Variants in PLEKHA5 observed in about 807,000 individuals in gnomAD.
PLEKHA5 encodes pleckstrin homology domain containing A5.
A neutral mutation model predicts 181.9 loss-of-function variants in PLEKHA5; 55 were observed. That is an observed-to-expected ratio of 0.30 (90% CI 0.24 to 0.38). PLEKHA5 has a LOEUF of 0.38. Among genes scored for constraint, PLEKHA5 ranks in the 10% least tolerant of loss-of-function variants. The pLI is 1.00. For synonymous variants in PLEKHA5, 535 were observed against 529.4 expected (o/e 1.01, Z -0.15); for missense variants, 1,432 against 1,549.5 (o/e 0.92, Z 1.27).
At position 19,302,541 on chromosome 12, in the gene PLEKHA5, G is replaced by A. The variant is rs574246088; in HGVS notation, c.2037+10844G>A. 2.6e-5 allele frequency among the ~76,000 whole-genome samples: 4 copies of A among 152,102 alleles called. No homozygotes were observed. The South Asian group carries it at 8.3e-4, about 32-fold the overall frequency. Reference sequence around the variant, plus strand: ...CACCTGAGTAGCTAGGATTACAGGCGCCCACCACCACACCCAGCTAATTTT... The same window carrying A: ...CACCTGAGTAGCTAGGATTACAGGCACCCACCACCACACCCAGCTAATTTT... On this transcript the variant is annotated intron_variant, in intron 15 of 31. Coordinates refer to ENST00000429027, the MANE Select transcript of PLEKHA5 (RefSeq NM_001256470.2).
Position 19,354,007 on chromosome 12 carries a change from TTAACTGGAAA to T in PLEKHA5, c.3138+7_3138+16del. The T allele has an allele frequency of 1.5e-6, 2 of 1,333,462 alleles. No individual in the cohort carries two copies. The highest frequency in any genetic ancestry group is 2.2e-6 in the Non-Finnish European group (2 of 928,862). 82.6% of individuals were successfully genotyped at this position (1,333,462 alleles called of 1,614,324 possible). A position where few individuals can be genotyped will look rare whatever the true frequency, so the allele number is the denominator to read the frequency against. On this transcript the variant is annotated splice_donor_region_variant and intron_variant, in intron 26 of 31. Coordinates refer to ENST00000429027, the MANE Select transcript of PLEKHA5 (RefSeq NM_001256470.2). Reference sequence around the variant, plus strand: ...AAGATGATGGATCTAAGAACGGTATTTAACTGGAAATTAATCTTCTAGGAAGATTCTCACA... The same window carrying T: ...AAGATGATGGATCTAAGAACGGTATTTTAATCTTCTAGGAAGATTCTCACA...
At chr12:19,272,749 G>C (rs1027293988) in intron 10 of PLEKHA5, among the ~76,000 whole-genome samples, 1 of 152,062 alleles carries the variant, frequency 6.6e-6, no homozygotes, top group African/African-American at 2.4e-5. Context: ...AAATAATAAT[G>C]ATAATAATCA....
At chr12:19,167,137 T>C (rs2044583718) in intron 3 of PLEKHA5, among the ~76,000 whole-genome samples, 1 of 152,154 alleles carries the variant, frequency 6.6e-6, no homozygotes, top group Non-Finnish European at 1.5e-5. Flanking sequence ...ATGCTTTGTA[T>C]AGAAAAGTGA....
At chr12:19,215,651 A>G (rs907232316) in intron 3 of PLEKHA5, among the ~76,000 whole-genome samples, 2 of 152,214 alleles carry the variant, frequency 1.3e-5, no homozygotes, top group South Asian at 4.1e-4. Context: ...AGACCCCTTT[A>G]AAAATTTTAG....
intron 3 of PLEKHA5, among the ~76,000 whole-genome samples, chr12:19,196,767 C>T (rs936472450): frequency 3.3e-5 from 5 of 150,162 alleles, no homozygotes; most frequent in Non-Finnish European, 7.4e-5. Context: ...GCCAAAGCTG[C>T]TACTCTGGCT....
chr12:19,355,652 G>A lies in PLEKHA5; in HGVS notation c.3138+1650G>A, dbSNP rs189319523. Reference sequence around the variant, plus strand: ...TCAGCTGCATTTATACATAGGAAATGTAATGTTTTCAATTAGTACAAAAGT... The same window carrying A: ...TCAGCTGCATTTATACATAGGAAATATAATGTTTTCAATTAGTACAAAAGT... On this transcript the variant is annotated intron_variant, in intron 26 of 31. Coordinates refer to ENST00000429027, the MANE Select transcript of PLEKHA5 (RefSeq NM_001256470.2). Among the ~76,000 whole-genome samples, 1,034 of 152,008 alleles carry A rather than the reference G, an allele frequency of 6.8e-3. 7 individuals carry two copies. Among genetic ancestry groups the A allele is most frequent in the Non-Finnish European group, 0.011 (773 of 67,994 alleles).
intron 20 of PLEKHA5, among the ~76,000 whole-genome samples, chr12:19,329,231 T>G (rs2092594881): frequency 6.6e-6 from 1 of 152,208 alleles, no homozygotes; most frequent in South Asian, 2.1e-4. Context: ...CCACTGAATT[T>G]GGCTTGCTTG....
intron 15 of PLEKHA5, among the ~76,000 whole-genome samples, chr12:19,300,796 A>G (rs750647880): frequency 6.6e-6 from 1 of 152,140 alleles, no homozygotes; most frequent in African/African-American, 2.4e-5. Context: ...ACAGTTAACC[A>G]TTGATAAAAT....
At chr12:19,297,274 T>C (rs1484128180) in intron 15 of PLEKHA5, among the ~76,000 whole-genome samples, 1 of 151,472 alleles carries the variant, frequency 6.6e-6, no homozygotes, top group African/African-American at 2.4e-5. Context: ...CTCAAAGTCA[T>C]GGAAAAGCAG....
At position 19,271,185 on chromosome 12, in the gene PLEKHA5, C is replaced by G. The variant is rs7133494; in HGVS notation, c.845+980C>G. 3.6e-3 allele frequency among the ~76,000 whole-genome samples: 550 copies of G among 152,184 alleles called. 2 individuals carry two copies. The highest frequency in any genetic ancestry group is 0.011 in the African/African-American group (445 of 41,494). ...AAGATGAGGTGGTTAGCACTGATAA[C>G]GAGAGAAAATGTGTAGGTGAAGAGA... On this transcript the variant is annotated intron_variant, in intron 10 of 31. Coordinates refer to ENST00000429027, the MANE Select transcript of PLEKHA5 (RefSeq NM_001256470.2).
At chr12:19,234,161 A>T (rs899824142) in intron 3 of PLEKHA5, among the ~76,000 whole-genome samples, 8 of 152,226 alleles carry the variant, frequency 5.3e-5, no homozygotes, top group Admixed American at 5.2e-4. Context: ...CGCTTTTATA[A>T]CTACTGCTAC....
Position 19,345,418 on chromosome 12 carries a change from AAAATAAAAAT to A in PLEKHA5, c.2663-410_2663-401del, listed in dbSNP as rs1300753770. ...CTGTCTCAAAAAAAAATAAAAATAA[AAAATAAAAAT>A]AAATAAAAATAAAAATAAATTTAAA... On this transcript the variant is annotated intron_variant, in intron 22 of 31. Transcript: ENST00000429027. 2.6e-5 allele frequency among the ~76,000 whole-genome samples: 4 copies of A among 150,978 alleles called. No homozygotes were observed. In the East Asian group the frequency reaches 7.8e-4, roughly 29 times the overall value.
intron 20 of PLEKHA5, among the ~76,000 whole-genome samples, chr12:19,335,030 G>GTTTTT (rs11461419): frequency 1.1e-5 from 1 of 92,618 alleles, no homozygotes; most frequent in Non-Finnish European, 2.0e-5. Context: ...TCAGTTTTTT[G>GTTTTT]TTTTTTTTTT....
chr12:19,183,844 G>C (rs2049187490), intron 3 of PLEKHA5, among the ~76,000 whole-genome samples: 1 of 152,106 alleles, frequency 6.6e-6, no homozygotes, highest in Admixed American at 6.5e-5. Flanking sequence ...CTCCCGAGTA[G>C]GTGGGACTAC....
intron 3 of PLEKHA5, among the ~76,000 whole-genome samples, chr12:19,229,098 CTTGTTT>C (rs2060081459): frequency 6.6e-6 from 1 of 152,150 alleles, no homozygotes; most frequent in South Asian, 2.1e-4. Flanking sequence ...CAAGTTAAAA[CTTGTTT>C]TTGTTTTTTA....
In PLEKHA5 at chr12:19,376,392, G is replaced by A. The variant is rs2153357525; in HGVS notation, c.*873G>A. The A allele has an allele frequency of 6.6e-6, 1 of 152,594 alleles. No homozygotes were observed. Among genetic ancestry groups the A allele is most frequent in the East Asian group, 1.9e-4 (1 of 5,172 alleles). 9.5% of individuals were successfully genotyped at this position (152,594 alleles called of 1,614,324 possible). A position where few individuals can be genotyped will look rare whatever the true frequency, so the allele number is the denominator to read the frequency against. ...TTTATCATGTTAAATAAATGTTGAT[G>A]TTCTTAAATCAGTGTTAGAATTTTT... is the stretch of plus-strand genomic sequence containing the variant. On this transcript the variant is annotated 3_prime_UTR_variant, in exon 32 of 32. Coordinates refer to ENST00000429027, the MANE Select transcript of PLEKHA5 (RefSeq NM_001256470.2).
chr12:19,176,388 T>C (rs996199000), intron 3 of PLEKHA5: 1 of 152,120 alleles, frequency 6.6e-6, no homozygotes, highest in African/African-American at 2.4e-5. Context: ...TGACCTGCTC[T>C]GTTTCCAGTC....
chr12:19,314,935 C>T, intron 16 of PLEKHA5, 41 bp downstream of exon 16: 1 of 962,902 alleles, frequency 1.0e-6, no homozygotes, highest in Non-Finnish European at 1.6e-6. Context: ...TTATCATCTG[C>T]AAAATCCCTC....
chr12:19,130,038 C>A lies in PLEKHA5; in HGVS notation c.90-13C>A. On this transcript the variant is annotated splice_polypyrimidine_tract_variant and intron_variant, in intron 1 of 31. Transcript: ENST00000429027. This position sits in a 1 kb window ranked among gnomAD's most constrained non-coding sequence, Gnocchi z 4.5. ...CTCACGCTCCGTGTCTGCCCCTTCT[C>A]TCACCCCTGCAGCGAGGAGGCCAAG... The A allele has an allele frequency of 6.3e-7, 1 of 1,577,168 alleles. No homozygotes were observed. Among genetic ancestry groups the A allele is most frequent in the South Asian group, 1.2e-5 (1 of 86,228 alleles).
Sources: allele counts gnomAD v4.1 joint callset (sites outside exome capture counted in the v4.1 genomes callset), GRCh38; gene constraint gnomAD v4.1.1; non-coding constraint Gnocchi (gnomAD v3.1); transcripts MANE v1.5; gene names NCBI Gene and HGNC (gene_info 2026-07-23, HGNC 2026-07-21).